DNAJB4: variants seen among roughly 807,000 people sequenced by gnomAD.
DNAJB4 encodes DnaJ heat shock protein family (Hsp40) member B4, also known as dnaJ homolog subfamily B member 4.
In DNAJB4, 10 loss-of-function variants were observed where a neutral mutation model predicts 26.6. That is an observed-to-expected ratio of 0.38 (90% confidence interval 0.23 to 0.64). The LOEUF (loss-of-function observed/expected upper bound fraction) is 0.64, where lower values mean the gene tolerates loss of function less well. DNAJB4 is among the 30% of genes least tolerant of loss of function. The pLI is 0.58. For missense variants in DNAJB4, 328 were observed against 408.2 expected (o/e 0.80, Z 1.69); for synonymous variants, 136 against 134.8 (o/e 1.01, Z -0.06).
At chr1:78,003,399 T>G (rs1368566757), upstream of DNAJB4, among the ~76,000 whole-genome samples, 1 of 152,190 alleles carries the variant, frequency 6.6e-6, no homozygotes, top group East Asian at 1.9e-4. Flanking sequence ...TGTCATGGTG[T>G]TGTTAAAGTA....
intron 1 of DNAJB4, among the ~76,000 whole-genome samples, chr1:77,994,603 A>G (rs1299704925): frequency 1.4e-5 from 2 of 143,016 alleles, no homozygotes; most frequent in African/African-American, 5.2e-5. Context: ...TTTTTTAACT[A>G]CTCTCATTTT....
In DNAJB4 at chr1:77,998,596, T is replaced by C. The variant is rs188325511; in HGVS notation, c.-31-6484T>C. Among the ~76,000 whole-genome samples, 440 of 152,306 alleles carry C rather than the reference T, an allele frequency of 2.9e-3. 5 individuals are homozygous for C. The highest frequency in any genetic ancestry group is 4.2e-3 in the Non-Finnish European group (284 of 68,016). On this transcript the variant is annotated intron_variant, in intron 1 of 2. Transcript: ENST00000426517. ...GGCTCAGACCTGTAATCTCAGCACT[T>C]TGGGAGACCAAAATGGGTGGATCGC...
At chr1:77,994,439 A>G (rs1660012673) in intron 1 of DNAJB4, among the ~76,000 whole-genome samples, 1 of 152,078 alleles carries the variant, frequency 6.6e-6, no homozygotes, top group Non-Finnish European at 1.5e-5. Flanking sequence ...AATTGTAAAC[A>G]ATTAGCTAAA....
At chr1:77,982,131 T>A (rs1659665248) in intron 1 of DNAJB4, among the ~76,000 whole-genome samples, 2 of 152,342 alleles carry the variant, frequency 1.3e-5, no homozygotes, top group East Asian at 3.9e-4. Context: ...TACATTACAA[T>A]AATTTATAAT....
At chr1:77,979,234 A>C, upstream of DNAJB4, 1 of 510,156 alleles carries the variant, frequency 2.0e-6, no homozygotes, top group South Asian at 3.0e-5. Context: ...GCGAGGATTA[A>C]GTTTAAGACT....
chr1:78,016,404 A>C lies in DNAJB4; in HGVS notation c.*157A>C, dbSNP rs531009669. ...TAGAGACGGGTCAAATAAATAGGCA[A>C]AAGGGATTTTTACAGTTAGAGATAA... On this transcript the variant is annotated 3_prime_UTR_variant, in exon 3 of 3. Transcript: ENST00000370763. 149 of 612,436 alleles carry C rather than the reference A, an allele frequency of 2.4e-4. No homozygotes were observed. The African/African-American group carries it at 2.5e-3, about 10-fold the overall frequency. 37.9% of individuals were successfully genotyped at this position (612,436 alleles called of 1,614,324 possible).
intron 1 of DNAJB4, among the ~76,000 whole-genome samples, chr1:78,012,707 G>A (rs899252795): frequency 6.6e-6 from 1 of 152,100 alleles, no homozygotes; most frequent in Non-Finnish European, 1.5e-5. Flanking sequence ...TACTCGGGAG[G>A]CTGAGGCAGG....
intron 1 of DNAJB4, among the ~76,000 whole-genome samples, chr1:77,982,471 C>T (rs1659676451): frequency 6.6e-6 from 1 of 152,178 alleles, no homozygotes; most frequent in South Asian, 2.1e-4. Context: ...TAACCAATTG[C>T]AGTGACCTTT....
At chr1:78,012,159 C>CTTTTTTTTTT (rs1270987929) in intron 1 of DNAJB4, among the ~76,000 whole-genome samples, 15 of 88,798 alleles carry the variant, frequency 1.7e-4, no homozygotes, top group East Asian at 7.8e-4. Flanking sequence ...CTTTTCTTTT[C>CTTTTTTTTTT]TTTTTTTTTT....
intron 1 of DNAJB4, among the ~76,000 whole-genome samples, chr1:78,010,446 T>C (rs910802100): frequency 6.6e-6 from 1 of 152,164 alleles, no homozygotes; most frequent in Non-Finnish European, 1.5e-5. Flanking sequence ...CTAAAATTTA[T>C]AAAAGGGAAA....
Position 78,017,200 on chromosome 1 carries a change from G to C in DNAJB4, c.*953G>C, listed in dbSNP as rs2102618874. 1 of 152,032 alleles carries C rather than the reference G, an allele frequency of 6.6e-6. No homozygotes were observed. Among genetic ancestry groups the C allele is most frequent in the African/African-American group, 2.4e-5 (1 of 41,530 alleles). 9.4% of individuals were successfully genotyped at this position (152,032 alleles called of 1,614,324 possible). A position where few individuals can be genotyped will look rare whatever the true frequency, so the allele number is the denominator to read the frequency against. On this transcript the variant is annotated 3_prime_UTR_variant, in exon 3 of 3. Transcript: ENST00000370763. The stretch of plus-strand genomic sequence containing the variant: ...ATAGGGAAAATAAACACTAACTGCT[G>C]CTTATGGATAATGTTGCAACTACTT...
chr1:77,983,559 C>T (rs1365761886), intron 1 of DNAJB4, among the ~76,000 whole-genome samples: 1 of 152,170 alleles, frequency 6.6e-6, no homozygotes, highest in Non-Finnish European at 1.5e-5. Context: ...TTTTGTGTCC[C>T]TGGGTACTTG....
chr1:78,016,019 G>C lies in DNAJB4; in HGVS notation c.786G>C (p.Leu262Phe). The change falls in exon 3 of 3, where the codon TTG (leucine) becomes TTC (phenylalanine). Residue 262 changes from leucine to phenylalanine, a missense_variant. Physicochemically the swap from Leu to Phe is conservative, Grantham distance 22. Transcript: ENST00000370763. ...YTAKISLREA[L>F]CGCSINVPTL... ...TTTTATTTGGTCCATTTTAGGCATT[G>C]TGTGGCTGCTCAATTAATGTACCAA... The C allele has an allele frequency of 6.2e-7, 1 of 1,613,534 alleles. No homozygotes were observed. The highest frequency in any genetic ancestry group is 8.5e-7 in the Non-Finnish European group (1 of 1,179,738).
At chr1:77,997,520 C>A (rs939951002) in intron 1 of DNAJB4, among the ~76,000 whole-genome samples, 2 of 151,874 alleles carry the variant, frequency 1.3e-5, no homozygotes, top group Non-Finnish European at 2.9e-5. Context: ...AAAAAAACTT[C>A]GAACAATCTG....
intron 1 of DNAJB4, among the ~76,000 whole-genome samples, chr1:77,995,843 G>A (rs1032862861): frequency 6.6e-6 from 1 of 152,160 alleles, no homozygotes; most frequent in African/African-American, 2.4e-5. Context: ...CTACTTGGGA[G>A]GCTGAAATAG....
intron 1 of DNAJB4, among the ~76,000 whole-genome samples, chr1:77,998,541 T>A (rs1387837318): frequency 6.6e-6 from 1 of 152,132 alleles, no homozygotes; most frequent in Non-Finnish European, 1.5e-5. Context: ...AAGAAGTGAA[T>A]CTCTTTAAAA....
Position 78,005,169 on chromosome 1 carries a change from T to C in DNAJB4, c.59T>C (p.Ile20Thr). The C allele has an allele frequency of 1.9e-6, 3 of 1,614,102 alleles. No homozygotes were observed. Among genetic ancestry groups the C allele is most frequent in the African/African-American group, 1.3e-5 (1 of 75,040 alleles). The change falls in exon 1 of 3, where the codon ATT (isoleucine) becomes ACT (threonine). Residue 20 changes from isoleucine to threonine, a missense_variant. Coordinates refer to ENST00000370763, the MANE Select transcript of DNAJB4 (RefSeq NM_007034.5). ...GIEKGASDEDIKKAYRKQALK... is the reference protein window; with the variant it reads ...GIEKGASDEDTKKAYRKQALK... ...GAGAAAGGAGCTTCAGATGAAGATA[T>C]TAAAAAGGCTTACCGAAAACAAGCC...
chr1:78,004,525 A>G (rs1660274423), upstream of DNAJB4: 1 of 144,078 alleles, frequency 6.9e-6, no homozygotes, highest in African/African-American at 2.5e-5. Context: ...TATACTTAAC[A>G]GACAAATAGC....
chr1:78,010,589 G>T (rs186983803), intron 1 of DNAJB4, among the ~76,000 whole-genome samples: 1 of 152,228 alleles, frequency 6.6e-6, no homozygotes, highest in Admixed American at 6.5e-5. Flanking sequence ...GGTCTCTCTT[G>T]ATCTCTCCAG....
Sources: allele counts gnomAD v4.1 joint callset (sites outside exome capture counted in the v4.1 genomes callset), GRCh38; gene constraint gnomAD v4.1.1; transcripts MANE v1.5; gene names NCBI Gene and HGNC (gene_info 2026-07-23, HGNC 2026-07-21).